Variants in DAB1 observed in about 807,000 individuals in gnomAD.
DAB1 encodes disabled homolog 1.
A neutral mutation model predicts 64.6 loss-of-function variants in DAB1; 15 were observed. The ratio of observed to expected loss-of-function variants is 0.23; its 90% CI spans 0.16 to 0.36. DAB1 has a LOEUF of 0.36. DAB1 is among the 10% of genes least tolerant of loss of function. The pLI, the probability that DAB1 is intolerant of heterozygous loss-of-function variation, is 1.00. For synonymous variants in DAB1, 235 were observed against 251.9 expected, an observed-to-expected ratio of 0.93 and a Z score of 0.64; for missense variants, 596 against 706.7, an observed-to-expected ratio of 0.84 and a Z score of 1.78.
At chr1:58,313,852 T>TGA (rs1236909323) in intron 4 of DAB1, among the ~76,000 whole-genome samples, 18 of 144,552 alleles carry the variant, frequency 1.2e-4, no homozygotes, top group African/African-American at 4.2e-4. Flanking sequence ...TGTGTGTGTG[T>TGA]GTGTGAGAGA....
Position 57,285,028 on chromosome 1 carries a change from G to A in DAB1, c.67+5936C>T, listed in dbSNP as rs1182733357. On this transcript the variant is annotated intron_variant, in intron 2 of 14. Transcript: ENST00000371236. ...AAATTCTCCTGGGAGAAAATATGAA[G>A]GCAGCTTTTTGTCACTGTCATTGTG... 2.6e-5 allele frequency among the ~76,000 whole-genome samples: 4 copies of A among 152,150 alleles called. No homozygotes were observed. The East Asian group carries it at 7.7e-4, about 29-fold the overall frequency.
chr1:57,830,783 G>A (rs958928456), intron 1 of DAB1, among the ~76,000 whole-genome samples: 3 of 152,148 alleles, frequency 2.0e-5, no homozygotes, highest in African/African-American at 7.2e-5. Flanking sequence ...CTTTCTAGGA[G>A]TCTAGATTTT....
chr1:57,802,103 G>A (rs1358296686), intron 6 of DAB1, among the ~76,000 whole-genome samples: 1 of 152,100 alleles, frequency 6.6e-6, no homozygotes, highest in Non-Finnish European at 1.5e-5. Flanking sequence ...AGCAAGACAT[G>A]GTGCAAAAAG....
chr1:58,010,367 T>A (rs1249793712), intron 5 of DAB1, among the ~76,000 whole-genome samples: 1 of 152,116 alleles, frequency 6.6e-6, no homozygotes, highest in African/African-American at 2.4e-5. Flanking sequence ...TTCCAAGAAT[T>A]CTCAGAGCAA....
chr1:57,166,086 G>T (rs1661187635), intron 2 of DAB1, among the ~76,000 whole-genome samples: 1 of 152,198 alleles, frequency 6.6e-6, no homozygotes, highest in Admixed American at 6.5e-5. Flanking sequence ...ACTCAGTAAG[G>T]TCCAAGTAGG....
chr1:57,367,329 G>A (rs748503918), intron 1 of DAB1, among the ~76,000 whole-genome samples: 1 of 151,862 alleles, frequency 6.6e-6, no homozygotes, highest in Admixed American at 6.6e-5. Context: ...GTAAGAGTTC[G>A]GAAGTCTGAA....
chr1:57,495,851 G>A (rs1225917749), intron 7 of DAB1, among the ~76,000 whole-genome samples: 2 of 152,138 alleles, frequency 1.3e-5, no homozygotes, highest in African/African-American at 4.8e-5. Context: ...CATTGCATAT[G>A]GCTCTGCTTA....
rs946515484 is a variant in DAB1 at position 58,452,307 on chromosome 1, A to G, written n.257+53753T>C. Among the ~76,000 whole-genome samples the G allele has an allele frequency of 6.0e-4, 91 of 152,242 alleles. 1 individual carries two copies. Among genetic ancestry groups the G allele is most frequent in the African/African-American group, 2.1e-3 (86 of 41,536 alleles). Reference sequence around the variant, plus strand: ...AATTATTCATATGGCACATATGCACATAAAAGATGTTAAACATTATCAGCC... The same window carrying G: ...AATTATTCATATGGCACATATGCACGTAAAAGATGTTAAACATTATCAGCC... On this transcript the variant is annotated intron_variant and non_coding_transcript_variant, in intron 3 of 20. Coordinates refer to the DAB1 transcript ENST00000485760.
chr1:57,689,209 T>C (rs1646735417), intron 6 of DAB1, among the ~76,000 whole-genome samples: 2 of 152,186 alleles, frequency 1.3e-5, no homozygotes, highest in Non-Finnish European at 2.9e-5. Context: ...CTTAGGAAGC[T>C]GTCTTGTGAA....
In DAB1 at chr1:56,996,225, T is replaced by A. The variant is rs965280639; in HGVS notation, c.*1919A>T. 4 of 152,222 alleles carry A rather than the reference T, an allele frequency of 2.6e-5. No individual in the cohort carries two copies. Among genetic ancestry groups the A allele is most frequent in the African/African-American group, 9.6e-5 (4 of 41,460 alleles). The allele number at this position is 152,222 out of a possible 1,614,324, so 9.4% of individuals were successfully genotyped here. ...AGAATCAAATGCAGGCCTATTCAAA[T>A]CAATTGTCTCAATGGAAATTCTACT... On this transcript the variant is annotated 3_prime_UTR_variant, in exon 15 of 15. Coordinates refer to ENST00000371236, the MANE Select transcript of DAB1 (RefSeq NM_001365792.1).
chr1:58,190,460 G>T (rs1425386648), intron 4 of DAB1, among the ~76,000 whole-genome samples: 1 of 152,142 alleles, frequency 6.6e-6, no homozygotes. Flanking sequence ...CTAGTTTCAT[G>T]CTAGCAGTCT....
intron 4 of DAB1, among the ~76,000 whole-genome samples, chr1:58,195,396 C>T (rs1237355180): frequency 7.2e-5 from 11 of 152,004 alleles, no homozygotes; most frequent in Admixed American, 7.2e-4. Context: ...AGTGCAAAGA[C>T]ATAGAGGCAC....
At chr1:57,055,067 C>G (rs994484004) in intron 9 of DAB1, among the ~76,000 whole-genome samples, 1 of 152,200 alleles carries the variant, frequency 6.6e-6, no homozygotes, top group African/African-American at 2.4e-5. Flanking sequence ...ACCTCCGTGT[C>G]TCTCCAGCCA....
At chr1:57,997,764 A>T (rs575943359) in intron 5 of DAB1, among the ~76,000 whole-genome samples, 1 of 152,196 alleles carries the variant, frequency 6.6e-6, no homozygotes, top group East Asian at 1.9e-4. Flanking sequence ...ATCCAGAATC[A>T]GAATCATTTA....
chr1:58,003,766 G>A (rs1460117623), intron 5 of DAB1, among the ~76,000 whole-genome samples: 1 of 152,166 alleles, frequency 6.6e-6, no homozygotes, highest in Non-Finnish European at 1.5e-5. Flanking sequence ...TCAGATGACT[G>A]CTCTGAGCAC....
At chr1:57,991,248 T>C (rs1382801076) in intron 5 of DAB1, among the ~76,000 whole-genome samples, 1 of 152,064 alleles carries the variant, frequency 6.6e-6, no homozygotes, top group Non-Finnish European at 1.5e-5. Context: ...CTCCAATGAG[T>C]GTGGAATAAT....
At chr1:58,241,608 A>G (rs1429495300) in intron 4 of DAB1, among the ~76,000 whole-genome samples, 1 of 152,122 alleles carries the variant, frequency 6.6e-6, no homozygotes, top group Non-Finnish European at 1.5e-5. Flanking sequence ...ATGTAAAAGA[A>G]GCCTGAACAA....
intron 1 of DAB1, among the ~76,000 whole-genome samples, chr1:57,343,693 C>T (rs995312459): frequency 1.9e-4 from 29 of 149,778 alleles, no homozygotes; most frequent in African/African-American, 6.6e-4. Context: ...GCCGGCCGGC[C>T]GCTCCAAGTG....
intron 5 of DAB1, among the ~76,000 whole-genome samples, chr1:57,918,849 GAC>G (rs1483910582): frequency 6.6e-6 from 1 of 151,924 alleles, no homozygotes; most frequent in Non-Finnish European, 1.5e-5. Context: ...AAGGCACCAG[GAC>G]ACACAAGAGG....
Sources: allele counts gnomAD v4.1 joint callset (sites outside exome capture counted in the v4.1 genomes callset), GRCh38; gene constraint gnomAD v4.1.1; transcripts MANE v1.5; gene names NCBI Gene and HGNC (gene_info 2026-07-23, HGNC 2026-07-21).